ADAMTS20: variants seen among roughly 807,000 people sequenced by gnomAD.
ADAMTS20 encodes the protein ADAM metallopeptidase with thrombospondin type 1 motif 20.
A neutral mutation model predicts 260.1 loss-of-function variants in ADAMTS20; 225 were observed. The observed-to-expected ratio is 0.87, with a 90% CI of 0.78 to 0.97. The LOEUF is 0.97. Ranked by LOEUF, ADAMTS20 falls within the 50% of genes least tolerant of loss-of-function variation. ADAMTS20 has a pLI of 0.00. For synonymous variants in ADAMTS20, 802 were observed against 769.5 expected (o/e 1.04, Z -0.70); for missense variants, 2,400 against 2,337.7 (o/e 1.03, Z -0.55).
At chr12:43,408,559 C>T (rs760088618) in intron 28 of ADAMTS20, among the ~76,000 whole-genome samples, 1 of 152,052 alleles carries the variant, frequency 6.6e-6, no homozygotes, top group South Asian at 2.1e-4. Flanking sequence ...AAGGAATATG[C>T]ACAGAGTACT....
At position 43,552,062 on chromosome 12, in the gene ADAMTS20, G is replaced by A; in HGVS notation, c.-141C>T. The A allele has an allele frequency of 1.5e-6, 1 of 681,898 alleles. No individual in the cohort carries two copies. Among genetic ancestry groups the A allele is most frequent in the Non-Finnish European group, 2.5e-6 (1 of 398,378 alleles). The allele number at this position is 681,898 out of a possible 1,614,324, so 42.2% of individuals were successfully genotyped here. On this transcript the variant is annotated 5_prime_UTR_variant, in exon 1 of 39. Transcript: ENST00000389420. ...AGCAGCCTAGGGAACAGCAGCGCGG[G>A]CCCTGGGCCGGCTGGTCCAGCCACA...
Position 43,432,484 on chromosome 12 carries a change from A to T in ADAMTS20, c.2932-16T>A, listed in dbSNP as rs893007253. The T allele has an allele frequency of 6.3e-7, 1 of 1,597,018 alleles. No individual in the cohort carries two copies. The highest frequency in any genetic ancestry group is 8.5e-7 in the Non-Finnish European group (1 of 1,173,602). On this transcript the variant is annotated splice_polypyrimidine_tract_variant and intron_variant, in intron 20 of 38. Coordinates refer to ENST00000389420, the MANE Select transcript of ADAMTS20 (RefSeq NM_025003.5). ...TCCTGGAACACTGATTAAAAAAAAAAAAGTGGTAACTAATGGAAAAAAATC... is the reference window on the plus strand; with the variant it reads ...TCCTGGAACACTGATTAAAAAAAAATAAGTGGTAACTAATGGAAAAAAATC...
At chr12:43,432,549 C>A in intron 20 of ADAMTS20, 52 bp downstream of exon 20, 1 of 1,603,138 alleles carries the variant, frequency 6.2e-7, no homozygotes, top group Non-Finnish European at 8.5e-7. Flanking sequence ...AACATAAATA[C>A]GTAATTAGAA....
intron 3 of ADAMTS20, among the ~76,000 whole-genome samples, chr12:43,515,535 A>C (rs1252373099): frequency 1.3e-5 from 2 of 152,182 alleles, no homozygotes; most frequent in African/African-American, 4.8e-5. Context: ...ACTGAAAACA[A>C]CAGCATTCTC....
At chr12:43,390,787 T>A (rs1940580476) in intron 29 of ADAMTS20, among the ~76,000 whole-genome samples, 1 of 152,318 alleles carries the variant, frequency 6.6e-6, no homozygotes, top group South Asian at 2.1e-4. Flanking sequence ...AGGCTCTCTC[T>A]AAAGCTCTCC....
intron 31 of ADAMTS20, among the ~76,000 whole-genome samples, chr12:43,379,704 A>G (rs1193872522): frequency 6.6e-6 from 1 of 152,224 alleles, no homozygotes; most frequent in African/African-American, 2.4e-5. Context: ...ATGACAAACA[A>G]TATAGACTTA....
intron 18 of ADAMTS20, among the ~76,000 whole-genome samples, chr12:43,435,141 C>T (rs1941526310): frequency 6.6e-6 from 1 of 152,104 alleles, no homozygotes; most frequent in Non-Finnish European, 1.5e-5. Context: ...ATTTACAACA[C>T]AAATAGTAAA....
chr12:43,425,692 TA>T lies in ADAMTS20; in HGVS notation c.4108-3del. On this transcript the variant is annotated splice_polypyrimidine_tract_variant and splice_region_variant and intron_variant, in intron 27 of 38. Coordinates refer to ENST00000389420, the MANE Select transcript of ADAMTS20 (RefSeq NM_025003.5). Reference sequence around the variant, plus strand: ...TCCTCCTCCACATGTTTGTGAACACTAAAAACAAGAATAGGAAAATTCAAAA... The same window carrying T: ...TCCTCCTCCACATGTTTGTGAACACTAAAACAAGAATAGGAAAATTCAAAA... The T allele has an allele frequency of 6.4e-7, 1 of 1,573,178 alleles. No individual in the cohort carries two copies. The highest frequency in any genetic ancestry group is 8.7e-7 in the Non-Finnish European group (1 of 1,154,000).
chr12:43,428,585 C>A (rs1038406423), intron 25 of ADAMTS20, 50 bp downstream of exon 25: 7 of 1,475,316 alleles, frequency 4.7e-6, no homozygotes, highest in Admixed American at 4.7e-5. Context: ...TATTTAATAT[C>A]AAATATATTT....
intron 26 of ADAMTS20, among the ~76,000 whole-genome samples, chr12:43,427,685 T>G (rs979347489): frequency 2.0e-5 from 3 of 152,220 alleles, no homozygotes; most frequent in African/African-American, 7.2e-5. Flanking sequence ...GGTGGGACTT[T>G]CAAGTTTGCA....
chr12:43,417,316 T>G (rs1438748558), intron 28 of ADAMTS20, among the ~76,000 whole-genome samples: 3 of 152,232 alleles, frequency 2.0e-5, no homozygotes, highest in African/African-American at 7.2e-5. Flanking sequence ...CTATGTGACC[T>G]AATAACTGAA....
At chr12:43,480,908 G>T (rs1395019337) in intron 7 of ADAMTS20, among the ~76,000 whole-genome samples, 1 of 151,916 alleles carries the variant, frequency 6.6e-6, no homozygotes, top group Non-Finnish European at 1.5e-5. Context: ...TTGCACAGGA[G>T]GGTGACTATA....
chr12:43,544,785 C>T (rs949254915), intron 2 of ADAMTS20, among the ~76,000 whole-genome samples: 3 of 152,176 alleles, frequency 2.0e-5, no homozygotes, highest in African/African-American at 7.2e-5. Context: ...TTAACAGCCA[C>T]AAGATCATTC....
At chr12:43,395,984 A>G (rs1406222338) in intron 29 of ADAMTS20, among the ~76,000 whole-genome samples, 1 of 152,036 alleles carries the variant, frequency 6.6e-6, no homozygotes, top group Non-Finnish European at 1.5e-5. Context: ...TGAATTTACA[A>G]GTGAAGCTGC....
chr12:43,466,919 T>C (rs1332926417), intron 8 of ADAMTS20, 124 bp from the exon 9 acceptor site: 2 of 731,240 alleles, frequency 2.7e-6, no homozygotes, highest in African/African-American at 1.8e-5. Context: ...TATCATAATT[T>C]GAACTCCATC....
intron 11 of ADAMTS20, among the ~76,000 whole-genome samples, chr12:43,460,651 CATA>C (rs752763863): frequency 5.9e-5 from 9 of 151,900 alleles, no homozygotes; most frequent in Non-Finnish European, 1.3e-4. Context: ...CAGCTTTATT[CATA>C]ATAACCAAAC....
intron 7 of ADAMTS20, among the ~76,000 whole-genome samples, chr12:43,477,525 G>T (rs1942377359): frequency 6.6e-6 from 1 of 152,064 alleles, no homozygotes; most frequent in South Asian, 2.1e-4. Context: ...TTAACATAAA[G>T]AAACTAGATA....
At chr12:43,517,418 A>C (rs898648098) in intron 3 of ADAMTS20, among the ~76,000 whole-genome samples, 10 of 152,032 alleles carry the variant, frequency 6.6e-5, no homozygotes, top group Admixed American at 4.6e-4. Context: ...TTAGAAAATA[A>C]AATTTTTAAA....
At chr12:43,446,739 T>C (rs1292330629) in intron 14 of ADAMTS20, 27 bp from the exon 15 acceptor site, 4 of 1,545,320 alleles carry the variant, frequency 2.6e-6, no homozygotes, top group Non-Finnish European at 3.6e-6. Flanking sequence ...CAATCAATAT[T>C]ATAAGAATGA....
Sources: gnomAD v4.1 joint callset for allele counts (sites outside exome capture counted in the v4.1 genomes callset) on GRCh38, gnomAD v4.1.1 for gene constraint, MANE v1.5 for transcripts, NCBI Gene and HGNC (gene_info 2026-07-23, HGNC 2026-07-21) for gene names.